HELQ: variants seen among roughly 807,000 people sequenced by gnomAD.
HELQ encodes helicase, POLQ like, also known as helicase POLQ-like.
Under a neutral mutation model 111.6 loss-of-function variants are expected in HELQ, and 77 were observed. The ratio of observed to expected loss-of-function variants is 0.69; its 90% CI spans 0.57 to 0.83. The LOEUF (loss-of-function observed/expected upper bound fraction) is 0.83. HELQ is among the 40% of genes least tolerant of loss of function. The pLI is 0.00. For synonymous variants in HELQ, 438 were observed against 454.7 expected, an observed-to-expected ratio of 0.96 and a Z score of 0.47; for missense variants, 1,200 against 1,288.5, an observed-to-expected ratio of 0.93 and a Z score of 1.05.
chr4:83,440,710 T>C (rs2110000399), intron 7 of HELQ, among the ~76,000 whole-genome samples: 1 of 152,336 alleles, frequency 6.6e-6, no homozygotes, highest in South Asian at 2.1e-4. Flanking sequence ...ACATGGTCCA[T>C]AAATTATTCT....
rs766321228 is a variant in HELQ, at chr4:83,453,570, A to T, written c.673T>A (p.Ser225Thr). The change falls in exon 2 of 18, where the codon TCA becomes ACA. Residue 225 changes from serine to threonine, a missense_variant. By Grantham distance (58) the Ser-to-Thr change is moderately conservative. Transcript: ENST00000295488. ...TCATTCACAGTGTTGTGAGAGGATG[A>T]CTTCCAATCCCTTTCTTTCATAGAA... Reference protein sequence around the residue: ...DHSMKERDWKSSSHNTVNEEL... With the variant: ...DHSMKERDWKTSSHNTVNEEL... The T allele has an allele frequency of 6.2e-6, 10 of 1,613,102 alleles. No individual in the cohort carries two copies. The highest frequency in any genetic ancestry group is 5.3e-5 in the African/African-American group (4 of 74,878).
chr4:83,449,055 G>C (rs1413113771), intron 2 of HELQ, 94 bp from the exon 3 acceptor site: 1 of 869,068 alleles, frequency 1.2e-6, no homozygotes, highest in Non-Finnish European at 1.7e-6. Flanking sequence ...CCTTCCTGTG[G>C]AGCAATCCTC....
At chr4:83,436,056 A>G (rs925658209) in intron 9 of HELQ, among the ~76,000 whole-genome samples, 2 of 152,134 alleles carry the variant, frequency 1.3e-5, no homozygotes, top group African/African-American at 4.8e-5. Context: ...TAAAAGGTAT[A>G]ATTCGGCAAT....
intron 6 of HELQ, among the ~76,000 whole-genome samples, chr4:83,442,260 AT>A (rs70949710): frequency 0.012 from 947 of 82,008 alleles, 3 homozygotes; most frequent in East Asian, 0.024. Context: ...AAAAACATCA[AT>A]TTTTTTTTTT....
intron 14 of HELQ, among the ~76,000 whole-genome samples, chr4:83,422,868 TTAGA>T (rs1424993833): frequency 2.0e-5 from 3 of 152,192 alleles, no homozygotes; most frequent in Non-Finnish European, 4.4e-5. Flanking sequence ...CAAATGTACT[TTAGA>T]TAAATATGTT....
chr4:83,434,575 A>T (rs1720346968), intron 9 of HELQ, among the ~76,000 whole-genome samples: 2 of 151,712 alleles, frequency 1.3e-5, no homozygotes, highest in South Asian at 4.2e-4. Context: ...CAATCTTCCC[A>T]CCTCAGCCTC....
intron 9 of HELQ, among the ~76,000 whole-genome samples, chr4:83,436,404 A>C (rs1720463498): frequency 6.6e-6 from 1 of 152,206 alleles, no homozygotes; most frequent in South Asian, 2.1e-4. Flanking sequence ...AGTCAATTAC[A>C]CAGGCCTACA....
intron 15 of HELQ, among the ~76,000 whole-genome samples, chr4:83,418,809 C>T (rs547231891): frequency 2.7e-4 from 41 of 152,230 alleles, no homozygotes; most frequent in Admixed American, 1.8e-3. Context: ...CATCTTGTGA[C>T]TACTAAGAAA....
intron 16 of HELQ, among the ~76,000 whole-genome samples, chr4:83,417,817 C>G (rs567287945): frequency 6.6e-6 from 1 of 152,020 alleles, no homozygotes; most frequent in South Asian, 2.1e-4. Flanking sequence ...TTAAGGACAA[C>G]CGGTAGCACA....
At chr4:83,452,206 A>C (rs1428531410) in intron 2 of HELQ, among the ~76,000 whole-genome samples, 1 of 152,266 alleles carries the variant, frequency 6.6e-6, no homozygotes, top group African/African-American at 2.4e-5. Flanking sequence ...AATGTGGCCC[A>C]ACACAAATTT....
intron 9 of HELQ, among the ~76,000 whole-genome samples, chr4:83,435,188 T>C (rs1720383619): frequency 6.6e-6 from 1 of 152,214 alleles, no homozygotes; most frequent in South Asian, 2.1e-4. Context: ...TAATAAAATA[T>C]GACCTTCCTC....
intron 14 of HELQ, among the ~76,000 whole-genome samples, chr4:83,422,165 A>T (rs575260771): frequency 2.6e-5 from 4 of 152,240 alleles, no homozygotes; most frequent in Admixed American, 2.6e-4. Context: ...GGTTGCAGGG[A>T]GCCGAGATAG....
At chr4:83,423,755 A>G (rs931915618) in intron 14 of HELQ, among the ~76,000 whole-genome samples, 1 of 152,100 alleles carries the variant, frequency 6.6e-6, no homozygotes, top group Admixed American at 6.6e-5. Context: ...TACTAAAAAT[A>G]CAAAAATTAG....
intron 6 of HELQ, among the ~76,000 whole-genome samples, chr4:83,442,844 A>C (rs575618561): frequency 1.3e-5 from 2 of 152,254 alleles, no homozygotes; most frequent in East Asian, 3.9e-4. Flanking sequence ...GAGCCACTGC[A>C]CCCAGCTAAA....
At chr4:83,429,496 G>T in intron 12 of HELQ, 28 bp downstream of exon 12, 2 of 1,414,484 alleles carry the variant, frequency 1.4e-6, no homozygotes, top group South Asian at 1.2e-5. Context: ...TGTTTCCTAT[G>T]ATCAATAAGA....
intron 9 of HELQ, among the ~76,000 whole-genome samples, chr4:83,434,199 C>T (rs760869333): frequency 6.6e-6 from 1 of 151,034 alleles, no homozygotes; most frequent in East Asian, 2.0e-4. Context: ...GGCGAAACCC[C>T]GACTCTACTA....
intron 17 of HELQ, among the ~76,000 whole-genome samples, chr4:83,412,185 T>C (rs570496937): frequency 1.3e-3 from 192 of 152,338 alleles, no homozygotes; most frequent in African/African-American, 4.5e-3. Context: ...TCTTTATGAA[T>C]GAGAGTATAC....
At position 83,441,334 on chromosome 4, in the gene HELQ, T is replaced by A. The variant is rs780131710; in HGVS notation, c.1633A>T (p.Met545Leu). 2 of 1,592,944 alleles carry A rather than the reference T, an allele frequency of 1.3e-6. No homozygotes were observed. Among genetic ancestry groups the A allele is most frequent in the South Asian group, 2.2e-5 (2 of 89,268 alleles). ...YEVDSKAENG[M>L]TFSRLLNYKY... ...TAATTAAGAAGACGTGAAAAAGTCA[T>A]GCCATTCTCAGCTTTGCTGTCAACT... Residue 545 changes from methionine to leucine, a missense_variant, in exon 7 of 18, where the codon ATG (methionine) becomes TTG (leucine). By Grantham distance (15) the Met-to-Leu change is conservative. This residue lies in a region of HELQ where 585 missense variants were observed against 665.3 expected (regional missense o/e 0.88). Coordinates refer to ENST00000295488, the MANE Select transcript of HELQ (RefSeq NM_133636.5).
chr4:83,451,527 G>C (rs181956187), intron 2 of HELQ, among the ~76,000 whole-genome samples: 1 of 152,010 alleles, frequency 6.6e-6, no homozygotes, highest in East Asian at 1.9e-4. Flanking sequence ...TTAGCCGGGC[G>C]TGGTGGCGGG....
Sources: allele counts gnomAD v4.1 joint callset (sites outside exome capture counted in the v4.1 genomes callset), GRCh38; gene constraint gnomAD v4.1.1; regional missense constraint gnomAD v4.1.1; transcripts MANE v1.5; gene names NCBI Gene and HGNC (gene_info 2026-07-23, HGNC 2026-07-21).